Variants in CDH12 observed in about 807,000 individuals in gnomAD.
The protein encoded by CDH12 is cadherin 12.
A neutral mutation model predicts 74.1 loss-of-function variants in CDH12; 41 were observed. That is an observed-to-expected ratio of 0.55 (90% CI 0.43 to 0.72). The LOEUF is 0.72. Among genes scored for constraint, CDH12 ranks in the 30% least tolerant of loss-of-function variants. CDH12 has a pLI of 0.00. For missense variants in CDH12, 945 were observed against 977.2 expected, an observed-to-expected ratio of 0.97 and a Z score of 0.44; for synonymous variants, 399 against 355.0, an observed-to-expected ratio of 1.12 and a Z score of -1.39.
chr5:22,218,444 A>T (rs1351429171), intron 3 of CDH12, among the ~76,000 whole-genome samples: 1 of 151,768 alleles, frequency 6.6e-6, no homozygotes, highest in Non-Finnish European at 1.5e-5. Flanking sequence ...TGGACCACAA[A>T]ATGATTATGC....
chr5:22,483,060 C>T (rs1404081377), intron 2 of CDH12, among the ~76,000 whole-genome samples: 1 of 152,090 alleles, frequency 6.6e-6, no homozygotes, highest in Non-Finnish European at 1.5e-5. Flanking sequence ...TCAACTACCA[C>T]CCTTCTCTTC....
chr5:22,182,134 T>G (rs1749682327), intron 4 of CDH12, among the ~76,000 whole-genome samples: 1 of 152,098 alleles, frequency 6.6e-6, no homozygotes, highest in Admixed American at 6.5e-5. Context: ...TTAGTCACAT[T>G]CTCTTATTTC....
At chr5:22,194,311 T>C (rs1313356108) in intron 4 of CDH12, among the ~76,000 whole-genome samples, 5 of 72,122 alleles carry the variant, frequency 6.9e-5, no homozygotes, top group African/African-American at 2.1e-4. Context: ...TTTCTTTCTT[T>C]TTTTTTTTTT....
At chr5:22,247,111 G>A (rs1752972952) in intron 3 of CDH12, among the ~76,000 whole-genome samples, 2 of 152,016 alleles carry the variant, frequency 1.3e-5, no homozygotes, top group African/African-American at 4.8e-5. Context: ...AATCCTAAAC[G>A]GACCTTTGAT....
intron 2 of CDH12, among the ~76,000 whole-genome samples, chr5:22,494,241 C>T (rs1339595278): frequency 1.3e-5 from 2 of 152,138 alleles, no homozygotes; most frequent in South Asian, 4.1e-4. Flanking sequence ...GTGGGTTTTC[C>T]CCAAGTCTTC....
chr5:21,840,999 T>A (rs1749812795), intron 8 of CDH12, among the ~76,000 whole-genome samples: 2 of 151,668 alleles, frequency 1.3e-5, no homozygotes, highest in African/African-American at 4.8e-5. Flanking sequence ...AAGCCAAAAT[T>A]GACAAATGGG....
intron 1 of CDH12, among the ~76,000 whole-genome samples, chr5:22,777,930 C>T (rs1747188064): frequency 6.6e-6 from 1 of 152,040 alleles, no homozygotes; most frequent in Non-Finnish European, 1.5e-5. Context: ...TCTCCTCCCC[C>T]AGCTTCCCGA....
intron 1 of CDH12, among the ~76,000 whole-genome samples, chr5:22,811,262 T>A (rs1352615874): frequency 1.3e-5 from 2 of 152,080 alleles, no homozygotes; most frequent in Non-Finnish European, 2.9e-5. Context: ...AGGGCAATAG[T>A]CTTGGGATTT....
At chr5:21,817,159 G>A in intron 8 of CDH12, 27 bp from the exon 9 acceptor site, 1 of 1,503,510 alleles carries the variant, frequency 6.7e-7, no homozygotes, top group Non-Finnish European at 9.1e-7. Context: ...AATTTGAATT[G>A]ACAGTGGGGT....
rs1283841254 is a variant in CDH12, at chr5:22,195,846, T to G, written c.-187+16652A>C. On this transcript the variant is annotated intron_variant, in intron 4 of 14. Transcript: ENST00000382254. ...TCAATATGAGGGAATAAAAGCCTGG[T>G]GTGAAAAACTCTTTTTTCCTAGGTG... Among the ~76,000 whole-genome samples the G allele has an allele frequency of 2.0e-4, 31 of 152,292 alleles. No homozygotes were observed. The East Asian group carries it at 2.5e-3, about 12-fold the overall frequency.
chr5:21,952,852 A>G (rs1755926565), intron 6 of CDH12, among the ~76,000 whole-genome samples: 2 of 151,360 alleles, frequency 1.3e-5, no homozygotes, highest in African/African-American at 4.9e-5. Context: ...AACCCTATAT[A>G]ATGTGGCTTG....
intron 3 of CDH12, among the ~76,000 whole-genome samples, chr5:22,243,016 G>C (rs762053827): frequency 5.3e-5 from 8 of 151,886 alleles, no homozygotes; most frequent in Non-Finnish European, 1.0e-4. Context: ...TCTGTTGATA[G>C]ATCTACTTGT....
chr5:22,121,569 G>A lies in CDH12; in HGVS notation c.-186-42707C>T, dbSNP rs545802284. On this transcript the variant is annotated intron_variant, in intron 4 of 14. Coordinates refer to ENST00000382254, the MANE Select transcript of CDH12 (RefSeq NM_004061.5). Reference sequence around the variant, plus strand: ...AATTTGCAAGTAGGGTAAAAGGTAGGATCTCAGACACTTCACAATTCTTGA... The same window carrying A: ...AATTTGCAAGTAGGGTAAAAGGTAGAATCTCAGACACTTCACAATTCTTGA... Among the ~76,000 whole-genome samples the A allele has an allele frequency of 2.6e-5, 4 of 152,220 alleles. No individual in the cohort carries two copies. In the South Asian group the frequency reaches 6.2e-4, roughly 24 times the overall value.
intron 4 of CDH12, chr5:22,142,392 A>C: frequency 1.9e-6 from 1 of 517,312 alleles, no homozygotes; most frequent in Admixed American, 2.3e-5. Flanking sequence ...CAAAAACCAA[A>C]GAAAAAACAT....
chr5:22,826,650 T>C (rs1736343297), intron 1 of CDH12, among the ~76,000 whole-genome samples: 1 of 152,154 alleles, frequency 6.6e-6, no homozygotes. Flanking sequence ...CAGATGGAGA[T>C]GAAGAACTTG....
chr5:22,110,069 A>T lies in CDH12; in HGVS notation c.-186-31207T>A, dbSNP rs575892898. Among the ~76,000 whole-genome samples, 12 of 152,314 alleles carry T rather than the reference A, an allele frequency of 7.9e-5. No homozygotes were observed. In the South Asian group the frequency reaches 2.5e-3, roughly 32 times the overall value. ...TTAGTTTAACAAGATTTGTTTGTGC[A>T]TATTTCCCTAGGCTTCAATCTCCTG... is the stretch of plus-strand genomic sequence containing the variant. On this transcript the variant is annotated intron_variant, in intron 4 of 14. Transcript: ENST00000382254.
At chr5:22,044,775 T>C (rs1739815697) in intron 5 of CDH12, among the ~76,000 whole-genome samples, 1 of 152,156 alleles carries the variant, frequency 6.6e-6, no homozygotes, top group Non-Finnish European at 1.5e-5. Flanking sequence ...AGAATAAAAC[T>C]AGACTTCTAT....
chr5:22,046,612 T>C (rs1739977379), intron 5 of CDH12, among the ~76,000 whole-genome samples: 1 of 151,994 alleles, frequency 6.6e-6, no homozygotes, highest in African/African-American at 2.4e-5. Context: ...GTGAAAATAT[T>C]ACCTTCCAGA....
At chr5:21,808,905 T>A (rs896744588) in intron 9 of CDH12, among the ~76,000 whole-genome samples, 2 of 152,120 alleles carry the variant, frequency 1.3e-5, no homozygotes, top group Non-Finnish European at 2.9e-5. Context: ...GAAATGTAGT[T>A]AAGTTTTAAA....
Sources: gnomAD v4.1 joint callset for allele counts (sites outside exome capture counted in the v4.1 genomes callset) on GRCh38, gnomAD v4.1.1 for gene constraint, MANE v1.5 for transcripts, NCBI Gene and HGNC (gene_info 2026-07-23, HGNC 2026-07-21) for gene names.